Variants in FAM149B1 observed in about 807,000 individuals in gnomAD.
FAM149B1 encodes primary cilium assembly protein FAM149B1.
In FAM149B1, 56 loss-of-function variants were observed where a neutral mutation model predicts 75.3. That is an observed-to-expected ratio of 0.74 (90% CI 0.60 to 0.93). FAM149B1 has a LOEUF of 0.93. FAM149B1 is among the 40% of genes least tolerant of loss of function. The pLI is 0.00. For synonymous variants in FAM149B1, 259 were observed against 256.1 expected (o/e 1.01, Z -0.11); for missense variants, 639 against 708.4 (o/e 0.90, Z 1.11).
At chr10:73,216,405 TTG>T (rs1564704883) in intron 7 of FAM149B1, among the ~76,000 whole-genome samples, 2 of 152,236 alleles carry the variant, frequency 1.3e-5, no homozygotes, top group African/African-American at 4.8e-5. Context: ...CAGGTTAACA[TTG>T]ATATGTGAGA....
intron 3 of FAM149B1, among the ~76,000 whole-genome samples, chr10:73,182,200 C>CCAG (rs2042414975): frequency 1.4e-5 from 2 of 147,810 alleles, no homozygotes; most frequent in Admixed American, 1.4e-4. Flanking sequence ...ATCCATTCAC[C>CCAG]CAGTCTGTGT....
chr10:73,192,425 TG>T, intron 3 of FAM149B1, 130 bp from the exon 4 acceptor site: 2 of 861,426 alleles, frequency 2.3e-6, no homozygotes, highest in African/African-American at 1.8e-5. Context: ...TTTTCTTTCG[TG>T]GAAACACAGC....
Position 73,244,121 on chromosome 10 carries a change from C to T in FAM149B1, c.*3102C>T, listed in dbSNP as rs2043982132. On this transcript the variant is annotated 3_prime_UTR_variant, in exon 14 of 14. Coordinates refer to ENST00000242505, the MANE Select transcript of FAM149B1 (RefSeq NM_173348.2). ...ACAGCAAGCAGTAGATCCTCTGATT[C>T]CAATTACCATTTGTTTTTTACCCAA... is the stretch of plus-strand genomic sequence containing the variant. 1 of 572,312 alleles carries T rather than the reference C, an allele frequency of 1.7e-6. No homozygotes were observed. The highest frequency in any genetic ancestry group is 1.9e-5 in the African/African-American group (1 of 51,802). The allele number at this position is 572,312 out of a possible 1,614,324, so 35.5% of individuals were successfully genotyped here.
chr10:73,236,328 TC>T (rs1172120189), intron 12 of FAM149B1, among the ~76,000 whole-genome samples: 4 of 151,998 alleles, frequency 2.6e-5, no homozygotes, highest in African/African-American at 9.7e-5. Context: ...TAGGGAAGAA[TC>T]TTTTTGTCTC....
rs1291447178 is a variant in FAM149B1, at chr10:73,239,382, C to T, written c.1673C>T (p.Ala558Val). 2 of 1,551,182 alleles carry T rather than the reference C, an allele frequency of 1.3e-6. No homozygotes were observed. The highest frequency in any genetic ancestry group is 1.4e-5 in the African/African-American group (1 of 73,030). ...CAGGCCCGACCTGGCAGGGGATCTG[C>T]AGGTAAAGGTGGGGCCATGGCCCTT... is the stretch of plus-strand genomic sequence containing the variant. The part of the protein sequence containing the change: ...PHQARPGRGS[A>V]GPQLHGSTKS... Residue 558 changes from alanine (A) to valine (V), a missense_variant and splice_region_variant, in exon 13 of 14, where the codon GCA becomes GTA. Physicochemically the swap from Ala to Val is moderately conservative, Grantham distance 64 (BLOSUM62 0). Coordinates refer to ENST00000242505, the MANE Select transcript of FAM149B1 (RefSeq NM_173348.2).
At position 73,241,402 on chromosome 10, in the gene FAM149B1, T is replaced by C. The variant is rs987059146; in HGVS notation, c.*383T>C. 2 of 233,774 alleles carry C rather than the reference T, an allele frequency of 8.6e-6. No homozygotes were observed. The highest frequency in any genetic ancestry group is 4.6e-5 in the African/African-American group (2 of 43,290). 14.5% of individuals were successfully genotyped at this position (233,774 alleles called of 1,614,324 possible). On this transcript the variant is annotated 3_prime_UTR_variant, in exon 14 of 14. Transcript: ENST00000242505. ...AGCAAATCATCAGTGACAATATCAC[T>C]GGCTTCAGAATACTTCAGCCTGTGT...
Position 73,208,125 on chromosome 10 carries a change from A to G in FAM149B1, c.543-494A>G, listed in dbSNP as rs116939040. Among the ~76,000 whole-genome samples the G allele has an allele frequency of 1.1e-3, 173 of 152,242 alleles. 2 individuals are homozygous for G. The highest frequency in any genetic ancestry group is 0.011 in the South Asian group (52 of 4,826). The stretch of plus-strand genomic sequence containing the variant: ...GGGGGAGGATCCCTTATGGCTTTGT[A>G]CTGTCTTTGCGATAGTGAGTTCCCA... On this transcript the variant is annotated intron_variant, in intron 5 of 13. Transcript: ENST00000242505.
Position 73,242,378 on chromosome 10 carries a change from TAAC to T in FAM149B1, c.*1363_*1365del, listed in dbSNP as rs1468623502. 1 of 152,104 alleles carries T rather than the reference TAAC, an allele frequency of 6.6e-6. No individual in the cohort carries two copies. Among genetic ancestry groups the T allele is most frequent in the Non-Finnish European group, 1.5e-5 (1 of 68,022 alleles). 9.4% of individuals were successfully genotyped at this position (152,104 alleles called of 1,614,324 possible). A position where few individuals can be genotyped will look rare whatever the true frequency, so the allele number is the denominator to read the frequency against. On this transcript the variant is annotated 3_prime_UTR_variant, in exon 14 of 14. Coordinates refer to ENST00000242505, the MANE Select transcript of FAM149B1 (RefSeq NM_173348.2). ...ACAAACCATTACCATGAGTTCACTA[TAAC>T]AACTGGATCAATATGGCTTGCCTTT...
rs188430728 is a variant in FAM149B1 at position 73,235,198 on chromosome 10, C to T, written c.1482C>T (p.Pro494=). The T allele has an allele frequency of 4.6e-4, 716 of 1,551,632 alleles. 3 individuals are homozygous for T. The highest frequency in any genetic ancestry group is 1.0e-3 in the Middle Eastern group (6 of 5,988). ...AACTTTTGTCTCCTCTGCAGAAACC[C>T]CATGGCGACTCTAGTCGAGCTCAAA... The part of the protein sequence containing the change: ...STVGPQRQMK[P]HGDSSRAQSA... The change falls in exon 12 of 14, where the codon CCC becomes CCT. Residue 494 remains proline (P), a synonymous_variant. Coordinates refer to ENST00000242505, the MANE Select transcript of FAM149B1 (RefSeq NM_173348.2).
At chr10:73,177,489 A>G (rs574025545) in intron 2 of FAM149B1, among the ~76,000 whole-genome samples, 10 of 152,220 alleles carry the variant, frequency 6.6e-5, no homozygotes, top group African/African-American at 2.4e-4. Flanking sequence ...CAAGAGAATC[A>G]TTTGAATCCA....
At position 73,232,660 on chromosome 10, in the gene FAM149B1, A is replaced by T. The variant is rs116279474; in HGVS notation, c.1128-279A>T. On this transcript the variant is annotated intron_variant, in intron 9 of 13. Transcript: ENST00000242505. The stretch of plus-strand genomic sequence containing the variant: ...GCTTGCCTTCACTGGTGACTAAAAA[A>T]GTGACTGTGATGGCAGGTGGATAAT... Among the ~76,000 whole-genome samples the T allele has an allele frequency of 6.2e-3, 952 of 152,350 alleles. 20 individuals are homozygous for T. The highest frequency in any genetic ancestry group is 0.022 in the African/African-American group (909 of 41,578).
At chr10:73,217,376 T>C (rs1216133255) in intron 7 of FAM149B1, among the ~76,000 whole-genome samples, 2 of 152,216 alleles carry the variant, frequency 1.3e-5, no homozygotes, top group Non-Finnish European at 2.9e-5. Flanking sequence ...ATGTAGGTTT[T>C]CTGTGCTGCT....
intron 3 of FAM149B1, among the ~76,000 whole-genome samples, chr10:73,190,360 C>G (rs2042651897): frequency 6.6e-6 from 1 of 151,566 alleles, no homozygotes; most frequent in South Asian, 2.1e-4. Context: ...TGGCTAGCCA[C>G]AAGTGCCACC....
chr10:73,171,003 T>C (rs538073899), intron 1 of FAM149B1, among the ~76,000 whole-genome samples: 2 of 152,166 alleles, frequency 1.3e-5, no homozygotes, highest in African/African-American at 4.8e-5. Context: ...ACGGAGTCTC[T>C]GTTGCACAGG....
intron 5 of FAM149B1, chr10:73,200,917 G>A: frequency 8.4e-6 from 4 of 474,322 alleles, no homozygotes; most frequent in South Asian, 6.7e-5. Context: ...TGCTCTGCAT[G>A]GCGACATGGA....
intron 8 of FAM149B1, among the ~76,000 whole-genome samples, chr10:73,229,174 T>C (rs1194729807): frequency 6.6e-6 from 1 of 152,178 alleles, no homozygotes; most frequent in African/African-American, 2.4e-5. Context: ...GCAGATGAGA[T>C]TGGTCTTATC....
chr10:73,171,829 C>T (rs912435165), intron 1 of FAM149B1, among the ~76,000 whole-genome samples: 2 of 152,000 alleles, frequency 1.3e-5, no homozygotes, highest in East Asian at 1.9e-4. Flanking sequence ...GGGGTTTCAC[C>T]GTGTTAACCA....
intron 8 of FAM149B1, 26 bp from the exon 9 acceptor site, chr10:73,230,396 G>C: frequency 8.0e-7 from 1 of 1,250,894 alleles, no homozygotes; most frequent in African/African-American, 1.5e-5. Context: ...AACCGATCAA[G>C]AGTACTGTCT....
At chr10:73,188,927 C>G (rs1053192575) in intron 3 of FAM149B1, among the ~76,000 whole-genome samples, 56 of 152,082 alleles carry the variant, frequency 3.7e-4, no homozygotes, top group Admixed American at 3.2e-3. Flanking sequence ...GACACAGTGG[C>G]TTGTGCCTGT....
Sources: gnomAD v4.1 joint callset for allele counts (sites outside exome capture counted in the v4.1 genomes callset) on GRCh38, gnomAD v4.1.1 for gene constraint, MANE v1.5 for transcripts, NCBI Gene and HGNC (gene_info 2026-07-23, HGNC 2026-07-21) for gene names.